The following KIAA1217 variants were observed in gnomAD, a reference collection of about 807,000 sequenced individuals.
KIAA1217 encodes KIAA1217, also known as sickle tail protein homolog.
KIAA1217 carries 88 observed loss-of-function variants against 163.9 expected under a neutral mutation model. The ratio of observed to expected loss-of-function variants is 0.54; its 90% CI spans 0.45 to 0.64. The LOEUF (loss-of-function observed/expected upper bound fraction) is 0.64, where lower values mean the gene tolerates loss of function less well. Among genes scored for constraint, KIAA1217 ranks in the 30% least tolerant of loss-of-function variants. KIAA1217 has a pLI of 0.00. For missense variants in KIAA1217, 2,372 were observed against 2,475.0 expected (o/e 0.96, Z 0.88); for synonymous variants, 903 against 923.1 (o/e 0.98, Z 0.39).
rs144514939 is a variant in KIAA1217 at position 24,449,963 on chromosome 10, A to G, written c.846+11484A>G. On this transcript the variant is annotated intron_variant, in intron 5 of 20. Transcript: ENST00000376454. ...TTATTGACATTATTCTGTTTTTTTGAAATCCACTTAAATTAAACTGGGCTG... is the reference window on the plus strand; with the variant it reads ...TTATTGACATTATTCTGTTTTTTTGGAATCCACTTAAATTAAACTGGGCTG... Among the ~76,000 whole-genome samples the G allele has an allele frequency of 1.1e-4, 16 of 152,252 alleles. No individual in the cohort carries two copies. In the East Asian group the frequency reaches 3.1e-3, roughly 29 times the overall value.
At chr10:23,833,973 G>A (rs907457479) in intron 1 of KIAA1217, among the ~76,000 whole-genome samples, 4 of 151,964 alleles carry the variant, frequency 2.6e-5, no homozygotes, top group Admixed American at 1.3e-4. Context: ...AGTTTATATG[G>A]ATTTCATGTC....
At chr10:23,988,323 T>C (rs1564590510) in intron 1 of KIAA1217, among the ~76,000 whole-genome samples, 1 of 152,238 alleles carries the variant, frequency 6.6e-6, no homozygotes, top group Non-Finnish European at 1.5e-5. Context: ...GGCGTTCCTA[T>C]AATGACTGGT....
intron 2 of KIAA1217, among the ~76,000 whole-genome samples, chr10:24,012,368 C>T (rs1210144595): frequency 6.6e-6 from 1 of 152,148 alleles, no homozygotes; most frequent in East Asian, 1.9e-4. Flanking sequence ...CTCTTAAGAC[C>T]TCTAAGCCCA....
At chr10:24,321,438 C>T (rs535578299) in intron 2 of KIAA1217, among the ~76,000 whole-genome samples, 65 of 152,012 alleles carry the variant, frequency 4.3e-4, no homozygotes, top group South Asian at 6.2e-4. Context: ...ACTCAGGAGG[C>T]GGGAGAATTG....
chr10:23,936,482 G>C (rs1375413623), intron 1 of KIAA1217, among the ~76,000 whole-genome samples: 1 of 152,142 alleles, frequency 6.6e-6, no homozygotes. Flanking sequence ...GATTAGCGTG[G>C]GTTCTAAGTT....
chr10:23,929,231 A>G (rs1049732267), intron 1 of KIAA1217, among the ~76,000 whole-genome samples: 1 of 152,242 alleles, frequency 6.6e-6, no homozygotes, highest in African/African-American at 2.4e-5. Flanking sequence ...TATTCATGCA[A>G]TTCTTCATGG....
intron 2 of KIAA1217, among the ~76,000 whole-genome samples, chr10:24,164,229 A>T (rs988333419): frequency 6.6e-6 from 1 of 152,316 alleles, no homozygotes; most frequent in South Asian, 2.1e-4. Context: ...CTTGAACGAG[A>T]TGAACAGGCT....
chr10:23,864,754 T>A (rs1225553162), intron 1 of KIAA1217, among the ~76,000 whole-genome samples: 1 of 152,054 alleles, frequency 6.6e-6, no homozygotes, highest in African/African-American at 2.4e-5. Context: ...AGAGAGAACA[T>A]TATTTATTTT....
At chr10:23,805,431 G>A (rs1002849027) in intron 1 of KIAA1217, among the ~76,000 whole-genome samples, 2 of 152,114 alleles carry the variant, frequency 1.3e-5, no homozygotes, top group African/African-American at 4.8e-5. Flanking sequence ...GGGAATGGAA[G>A]ACCAAATACT....
chr10:23,993,224 G>A (rs1846300537), intron 1 of KIAA1217, among the ~76,000 whole-genome samples: 1 of 151,654 alleles, frequency 6.6e-6, no homozygotes. Flanking sequence ...TAGAGATGGG[G>A]TTTCACCATG....
At chr10:24,126,581 T>TACAA (rs2063481030) in intron 2 of KIAA1217, among the ~76,000 whole-genome samples, 1 of 152,160 alleles carries the variant, frequency 6.6e-6, no homozygotes, top group Non-Finnish European at 1.5e-5. Context: ...GAATACTGTA[T>TACAA]ACAAATATGT....
At chr10:24,239,989 G>A (rs1281110288) in intron 2 of KIAA1217, among the ~76,000 whole-genome samples, 1 of 152,156 alleles carries the variant, frequency 6.6e-6, no homozygotes, top group Admixed American at 6.5e-5. Context: ...GATAGATAAA[G>A]ACTTCTTGGA....
At chr10:24,107,927 A>G (rs931070587) in intron 2 of KIAA1217, among the ~76,000 whole-genome samples, 6 of 152,204 alleles carry the variant, frequency 3.9e-5, no homozygotes, top group African/African-American at 1.4e-4. Context: ...CAGAAAAAAA[A>G]TGAAATATTA....
chr10:24,030,285 G>A (rs983501712), intron 2 of KIAA1217, among the ~76,000 whole-genome samples: 6 of 151,982 alleles, frequency 3.9e-5, no homozygotes, highest in Admixed American at 2.6e-4. Context: ...CCCAAGTGTC[G>A]AGGGAGGGTC....
intron 5 of KIAA1217, among the ~76,000 whole-genome samples, chr10:24,461,640 G>T (rs2062419688): frequency 6.6e-6 from 1 of 152,130 alleles, no homozygotes; most frequent in African/African-American, 2.4e-5. Flanking sequence ...ACAGGTGTGA[G>T]CTACTGCACC....
intron 1 of KIAA1217, among the ~76,000 whole-genome samples, chr10:23,983,978 T>G (rs1396495308): frequency 6.6e-6 from 1 of 152,198 alleles, no homozygotes; most frequent in African/African-American, 2.4e-5. Context: ...AGAGATTAAA[T>G]TTTGCAAAAA....
At chr10:23,985,977 G>A (rs897796159) in intron 1 of KIAA1217, among the ~76,000 whole-genome samples, 3 of 152,194 alleles carry the variant, frequency 2.0e-5, no homozygotes, top group East Asian at 1.9e-4. Flanking sequence ...GGCAGAAAGA[G>A]GGGAAGAAGT....
At chr10:23,858,307 C>G (rs1588963345) in intron 1 of KIAA1217, among the ~76,000 whole-genome samples, 1 of 152,170 alleles carries the variant, frequency 6.6e-6, no homozygotes, top group South Asian at 2.1e-4. Context: ...GTGAGGAACC[C>G]AGCATGATGA....
chr10:23,793,687 G>A (rs991470906), intron 1 of KIAA1217, among the ~76,000 whole-genome samples: 20 of 152,152 alleles, frequency 1.3e-4, no homozygotes, highest in African/African-American at 4.8e-4. Context: ...CCACACAGAA[G>A]TTCGCCTGCT....
Sources: gnomAD v4.1 joint callset for allele counts (sites outside exome capture counted in the v4.1 genomes callset) on GRCh38, gnomAD v4.1.1 for gene constraint, MANE v1.5 for transcripts, NCBI Gene and HGNC (gene_info 2026-07-23, HGNC 2026-07-21) for gene names.